The following RCVRN variants were observed in gnomAD, a reference collection of about 807,000 sequenced individuals.
RCVRN encodes cancer associated retinopathy antigen.
A neutral mutation model predicts 20.4 loss-of-function variants in RCVRN; 23 were observed. That is an observed-to-expected ratio of 1.13 (90% CI 0.81 to 1.60). RCVRN has a LOEUF of 1.60. RCVRN is among the 40% of genes most tolerant of loss of function. The pLI is 0.00. For missense variants in RCVRN, 254 were observed against 254.2 expected (o/e 1.00, Z 0.00); for synonymous variants, 105 against 105.9 (o/e 0.99, Z 0.05).
chr17:9,904,674 G>A lies in RCVRN; in HGVS notation c.381+126C>T, dbSNP rs915647382. On this transcript the variant is annotated intron_variant, in intron 1 of 2. Coordinates refer to ENST00000226193, the MANE Select transcript of RCVRN (RefSeq NM_002903.3). This position sits in a 1 kb window ranked among gnomAD's most constrained non-coding sequence, Gnocchi z 5.8. Reference sequence around the variant, plus strand: ...AGCATCTCGGAGCACCACGCTCTCAGAGCCAGTGGCCCGCATCCCCCGCTC... The same window carrying A: ...AGCATCTCGGAGCACCACGCTCTCAAAGCCAGTGGCCCGCATCCCCCGCTC... 4.5e-6 allele frequency: 5 copies of A among 1,102,234 alleles called. No homozygotes were observed. In the African/African-American group the frequency reaches 7.8e-5, roughly 17 times the overall value. 68.3% of individuals were successfully genotyped at this position (1,102,234 alleles called of 1,614,324 possible).
At chr17:9,898,288 C>T in intron 2 of RCVRN, 84 bp from the exon 3 acceptor site, 1 of 805,074 alleles carries the variant, frequency 1.2e-6, no homozygotes. Flanking sequence ...GACATCTAGC[C>T]AGTATCCCCA....
At chr17:9,902,700 A>C in intron 1 of RCVRN, among the ~76,000 whole-genome samples, 1 of 152,250 alleles carries the variant, frequency 6.6e-6, no homozygotes, top group East Asian at 1.9e-4. Flanking sequence ...GCAGCTATTA[A>C]AAGAGTTTTG....
intron 1 of RCVRN, among the ~76,000 whole-genome samples, chr17:9,901,908 T>C (rs1444878159): frequency 6.6e-6 from 1 of 152,212 alleles, no homozygotes; most frequent in Admixed American, 6.5e-5. Context: ...ACTCCCTCAG[T>C]CAGTGCTCTG....
Position 9,897,990 on chromosome 17 carries a change from G to GTA in RCVRN, c.*104_*105insTA. The stretch of plus-strand genomic sequence containing the variant: ...TCTTGGCCCTGGGGTGGATGTGTGT[G>GTA]TGTGTGTGTGCGCGCGCGTGTGTGT... On this transcript the variant is annotated 3_prime_UTR_variant, in exon 3 of 3. Transcript: ENST00000226193. 2 of 744,290 alleles carry GTA rather than the reference G, an allele frequency of 2.7e-6. No homozygotes were observed. Among genetic ancestry groups the GTA allele is most frequent in the Non-Finnish European group, 4.9e-6 (2 of 409,006 alleles). 46.1% of individuals were successfully genotyped at this position (744,290 alleles called of 1,614,324 possible).
In RCVRN at chr17:9,897,209, T is replaced by C. The variant is rs76066230; in HGVS notation, c.*886A>G. 0.16 allele frequency: 23,613 copies of C among 152,132 alleles called. 2,454 individuals are homozygous for C. Among genetic ancestry groups the C allele is most frequent in the Non-Finnish European group, 0.23 (15,909 of 68,032 alleles). 9.4% of individuals were successfully genotyped at this position (152,132 alleles called of 1,614,324 possible). ...CTTACCACAGGCTGCAGGGAGGGCT[T>C]TGCGTGGTCCAGCCCCCGCCTACCT... On this transcript the variant is annotated 3_prime_UTR_variant, in exon 3 of 3. Coordinates refer to ENST00000226193, the MANE Select transcript of RCVRN (RefSeq NM_002903.3).
In RCVRN at chr17:9,899,801, C is replaced by T. The variant is rs1033292135; in HGVS notation, c.493+1188G>A. On this transcript the variant is annotated intron_variant, in intron 2 of 2. Coordinates refer to ENST00000226193, the MANE Select transcript of RCVRN (RefSeq NM_002903.3). This position sits in a 1 kb window ranked among gnomAD's most constrained non-coding sequence, Gnocchi z 4.6. Reference sequence around the variant, plus strand: ...AATTCTGTGTCCTATGTTCCTCCTACCCCAATGACCTTCATGCTTCTCTTA... The same window carrying T: ...AATTCTGTGTCCTATGTTCCTCCTATCCCAATGACCTTCATGCTTCTCTTA... Among the ~76,000 whole-genome samples, 2 of 152,200 alleles carry T rather than the reference C, an allele frequency of 1.3e-5. No homozygotes were observed. The highest frequency in any genetic ancestry group is 2.4e-5 in the African/African-American group (1 of 41,454).
chr17:9,901,202 T>C, intron 1 of RCVRN, 102 bp from the exon 2 acceptor site: 1 of 550,262 alleles, frequency 1.8e-6, no homozygotes, highest in East Asian at 2.9e-5. Context: ...CTACTCAAAA[T>C]GGATTAAAGA....
chr17:9,901,030 C>G lies in RCVRN; in HGVS notation c.452G>C (p.Arg151Pro). 6.2e-7 allele frequency: 1 copy of G among 1,610,432 alleles called. No homozygotes were observed. Residue 151 changes from arginine to proline, a missense_variant, in exon 2 of 3, where the codon CGA (arginine) becomes CCA (proline). Arg to Pro is a moderately radical substitution (Grantham distance 103). Coordinates refer to ENST00000226193, the MANE Select transcript of RCVRN (RefSeq NM_002903.3). ...LPDDENTPEKRAEKIWKYFGK... is the reference protein window; with the variant it reads ...LPDDENTPEKPAEKIWKYFGK... ...AAAGTACTTCCAGATCTTCTCGGCTCGCTTTTCCGGCGTGTTTTCATCGTC... is the reference window on the plus strand; with the variant it reads ...AAAGTACTTCCAGATCTTCTCGGCTGGCTTTTCCGGCGTGTTTTCATCGTC...
At chr17:9,902,224 C>T (rs187263140) in intron 1 of RCVRN, among the ~76,000 whole-genome samples, 186 of 152,062 alleles carry the variant, frequency 1.2e-3, no homozygotes, top group African/African-American at 3.9e-3. Context: ...AAGACTTAGT[C>T]CCTGTCCCAG....
In RCVRN at chr17:9,904,914, G is replaced by GA; in HGVS notation, c.266_267insT (p.Leu90ProfsTer25). On this transcript the variant is annotated frameshift_variant, in exon 1 of 3. Coordinates refer to ENST00000226193, the MANE Select transcript of RCVRN (RefSeq NM_002903.3). The surrounding 1 kb of genome is among the most constrained non-coding windows in gnomAD (Gnocchi z 5.8). ...TCTTGCCCGCGGTGGTCATGTGCAG[G>GA]GCGATGACGTACTCCTTGAAGTCCA... 6.2e-7 allele frequency: 1 copy of GA among 1,614,154 alleles called. No individual in the cohort carries two copies. The highest frequency in any genetic ancestry group is 1.1e-5 in the South Asian group (1 of 91,064).
In RCVRN at chr17:9,904,612, G is replaced by A. The variant is rs1347362468; in HGVS notation, c.381+188C>T. Among the ~76,000 whole-genome samples, 1 of 152,178 alleles carries A rather than the reference G, an allele frequency of 6.6e-6. No individual in the cohort carries two copies. The highest frequency in any genetic ancestry group is 6.5e-5 in the Admixed American group (1 of 15,280). On this transcript the variant is annotated intron_variant, in intron 1 of 2. Coordinates refer to ENST00000226193, the MANE Select transcript of RCVRN (RefSeq NM_002903.3). This position sits in a 1 kb window ranked among gnomAD's most constrained non-coding sequence, Gnocchi z 5.8. ...TCAGATTCTGCTCCGGGAAGACAAC[G>A]AAGCTGTGGGCAAGTGCCCACCCCT...
At chr17:9,900,829 C>T (rs1319870583) in intron 2 of RCVRN, among the ~76,000 whole-genome samples, 160 bp downstream of exon 2, 1 of 152,160 alleles carries the variant, frequency 6.6e-6, no homozygotes, top group Non-Finnish European at 1.5e-5. Context: ...TAAGGCCATT[C>T]CCCTGTCCAA....
At position 9,898,100 on chromosome 17, in the gene RCVRN, C is replaced by T. The variant is rs150466624; in HGVS notation, c.598G>A (p.Ala200Thr). 1,069 of 1,611,264 alleles carry T rather than the reference C, an allele frequency of 6.6e-4. 4 individuals carry two copies. The highest frequency in any genetic ancestry group is 7.6e-4 in the Non-Finnish European group (898 of 1,177,508). ...PQKVKEKMKN[A>T] ...GGACAGCTGAACAGTTGGCATCAGG[C>T]GTTCTTCATCTTTTCCTTCACTTTT... Residue 200 changes from alanine (A) to threonine (T), a missense_variant, in exon 3 of 3, where the codon GCC (alanine) becomes ACC (threonine). Coordinates refer to ENST00000226193, the MANE Select transcript of RCVRN (RefSeq NM_002903.3).
At position 9,904,693 on chromosome 17, in the gene RCVRN, C is replaced by T. The variant is rs1340070759; in HGVS notation, c.381+107G>A. 1.5e-5 allele frequency: 20 copies of T among 1,321,750 alleles called. No individual in the cohort carries two copies. The highest frequency in any genetic ancestry group is 4.1e-5 in the Admixed American group (2 of 49,316). 81.9% of individuals were successfully genotyped at this position (1,321,750 alleles called of 1,614,324 possible). A position where few individuals can be genotyped will look rare whatever the true frequency, so the allele number is the denominator to read the frequency against. On this transcript the variant is annotated intron_variant, in intron 1 of 2. Transcript: ENST00000226193. This position sits in a 1 kb window ranked among gnomAD's most constrained non-coding sequence, Gnocchi z 5.8. ...CTCTCAGAGCCAGTGGCCCGCATCCCCCGCTCCACCCACAGATCCACTCCC... is the reference window on the plus strand; with the variant it reads ...CTCTCAGAGCCAGTGGCCCGCATCCTCCGCTCCACCCACAGATCCACTCCC...
chr17:9,899,976 T>C lies in RCVRN; in HGVS notation c.493+1013A>G, dbSNP rs951775615. On this transcript the variant is annotated intron_variant, in intron 2 of 2. Coordinates refer to ENST00000226193, the MANE Select transcript of RCVRN (RefSeq NM_002903.3). This position sits in a 1 kb window ranked among gnomAD's most constrained non-coding sequence, Gnocchi z 4.6. The stretch of plus-strand genomic sequence containing the variant: ...TTAATACAGGACCCTTGGATGTGTT[T>C]GGGCCATGCTGTGTTTTATCAGTTG... 2.0e-5 allele frequency among the ~76,000 whole-genome samples: 3 copies of C among 152,160 alleles called. No homozygotes were observed. The highest frequency in any genetic ancestry group is 4.4e-5 in the Non-Finnish European group (3 of 68,024).
chr17:9,905,234 G>C lies in RCVRN; in HGVS notation c.-54C>G, dbSNP rs1215706445. ...GAGTCGCTGGGTGGGTGGGACGTGC[G>C]TGGTCCCCTGGCCGCAGGCTGGGCT... On this transcript the variant is annotated 5_prime_UTR_variant, in exon 1 of 3. Transcript: ENST00000226193. 27 of 1,524,310 alleles carry C rather than the reference G, an allele frequency of 1.8e-5. No individual in the cohort carries two copies. The Middle Eastern group carries it at 5.3e-4, about 30-fold the overall frequency. 94.4% of individuals were successfully genotyped at this position (1,524,310 alleles called of 1,614,324 possible). A position where few individuals can be genotyped will look rare whatever the true frequency, so the allele number is the denominator to read the frequency against.
intron 1 of RCVRN, among the ~76,000 whole-genome samples, chr17:9,902,267 A>C (rs1025385369): frequency 6.6e-6 from 1 of 152,102 alleles, no homozygotes; most frequent in Non-Finnish European, 1.5e-5. Flanking sequence ...AATCCGAGGG[A>C]GCTTTCTCTG....
In RCVRN at chr17:9,905,223, G is replaced by C; in HGVS notation, c.-43C>G. On this transcript the variant is annotated 5_prime_UTR_variant, in exon 1 of 3. Coordinates refer to ENST00000226193, the MANE Select transcript of RCVRN (RefSeq NM_002903.3). ...CAGCGGCTGGGGAGTCGCTGGGTGG[G>C]TGGGACGTGCGTGGTCCCCTGGCCG... 6.4e-7 allele frequency: 1 copy of C among 1,553,380 alleles called. No individual in the cohort carries two copies. The highest frequency in any genetic ancestry group is 2.3e-5 in the East Asian group (1 of 43,888).
Position 9,905,063 on chromosome 17 carries a change from G to C in RCVRN, c.118C>G (p.Pro40Ala). 6.2e-7 allele frequency: 1 copy of C among 1,612,336 alleles called. No individual in the cohort carries two copies. The highest frequency in any genetic ancestry group is 8.5e-7 in the Non-Finnish European group (1 of 1,179,152). Residue 40 changes from proline (P) to alanine (A), a missense_variant, in exon 1 of 3, where the codon CCC becomes GCC. By Grantham distance (27) the Pro-to-Ala change is conservative. Transcript: ENST00000226193. The part of the protein sequence containing the change: ...SWYQSFLKDC[P>A]TGRITQQQFQ... ...TGCTGCTGGGTGATGCGGCCGGTGGGACAGTCCTTCAGGAAGGACTGGTAC... is the reference window on the plus strand; with the variant it reads ...TGCTGCTGGGTGATGCGGCCGGTGGCACAGTCCTTCAGGAAGGACTGGTAC...
Sources: allele counts gnomAD v4.1 joint callset (sites outside exome capture counted in the v4.1 genomes callset), GRCh38; gene constraint gnomAD v4.1.1; non-coding constraint Gnocchi (gnomAD v3.1); transcripts MANE v1.5; gene names NCBI Gene and HGNC (gene_info 2026-07-23, HGNC 2026-07-21).